The following JMJD1C variants were observed in gnomAD, a reference collection of about 807,000 sequenced individuals.
JMJD1C encodes jumonji domain-containing protein 1C.
In JMJD1C, 31 loss-of-function variants were observed where a neutral mutation model predicts 245.3. The ratio of observed to expected loss-of-function variants is 0.13; its 90% CI spans 0.09 to 0.17. JMJD1C has a LOEUF of 0.17. JMJD1C is among the 10% of genes least tolerant of loss of function. The pLI, the probability that JMJD1C is intolerant of heterozygous loss-of-function variation, is 1.00. For synonymous variants in JMJD1C, 1,057 were observed against 1,017.4 expected (o/e 1.04, Z -0.74); for missense variants, 2,691 against 3,000.2 (o/e 0.90, Z 2.41).
chr10:63,329,790 G>T (rs1196461299), intron 2 of JMJD1C, among the ~76,000 whole-genome samples: 1 of 152,202 alleles, frequency 6.6e-6, no homozygotes, highest in Admixed American at 6.5e-5. Flanking sequence ...GTAAGCCACA[G>T]CTCCCCGTCA....
At chr10:63,185,514 T>A in intron 20 of JMJD1C, 49 bp downstream of exon 20, 1 of 1,031,274 alleles carries the variant, frequency 9.7e-7, no homozygotes, top group Non-Finnish European at 1.5e-6. Context: ...CTGGGGACAG[T>A]CTTAGCTCGA....
At chr10:63,454,383 G>T (rs935568417) in intron 1 of JMJD1C, among the ~76,000 whole-genome samples, 1 of 151,590 alleles carries the variant, frequency 6.6e-6, no homozygotes, top group African/African-American at 2.4e-5. Flanking sequence ...TCAGCCTCCA[G>T]AGTAGCCGGG....
At chr10:63,396,326 C>A (rs1426380063) in intron 1 of JMJD1C, among the ~76,000 whole-genome samples, 2 of 152,122 alleles carry the variant, frequency 1.3e-5, no homozygotes, top group Non-Finnish European at 2.9e-5. Context: ...TGAACTTATA[C>A]CCCATTATCA....
chr10:63,234,315 G>A (rs561125275), intron 3 of JMJD1C, among the ~76,000 whole-genome samples: 16 of 151,558 alleles, frequency 1.1e-4, no homozygotes, highest in African/African-American at 2.7e-4. Context: ...GCAACATGGC[G>A]AGACCCTGTT....
chr10:63,229,703 T>C (rs1257197352), intron 3 of JMJD1C, among the ~76,000 whole-genome samples: 1 of 152,228 alleles, frequency 6.6e-6, no homozygotes, highest in Non-Finnish European at 1.5e-5. Context: ...TTAGATTTAT[T>C]TTTTTATTGG....
chr10:63,281,505 C>CTGT (rs1234486532), intron 2 of JMJD1C, among the ~76,000 whole-genome samples: 1 of 106,848 alleles, frequency 9.4e-6, no homozygotes, highest in Non-Finnish European at 1.7e-5. Flanking sequence ...GAGTCTCACT[C>CTGT]TGTGGCCCAG....
intron 2 of JMJD1C, among the ~76,000 whole-genome samples, chr10:63,288,606 T>C (rs1178104901): frequency 3.3e-5 from 5 of 152,118 alleles, no homozygotes; most frequent in East Asian, 1.9e-4. Flanking sequence ...GTTTTAAGAA[T>C]TGGTATATTT....
intron 2 of JMJD1C, among the ~76,000 whole-genome samples, chr10:63,288,450 A>G (rs191387806): frequency 2.6e-5 from 4 of 152,290 alleles, no homozygotes; most frequent in African/African-American, 7.2e-5. Context: ...AAGCTCCTAT[A>G]AAAAAATCCA....
intron 1 of JMJD1C, among the ~76,000 whole-genome samples, chr10:63,398,366 G>A (rs1948636897): frequency 1.3e-5 from 2 of 151,906 alleles, no homozygotes; most frequent in African/African-American, 4.8e-5. Flanking sequence ...TCAATTACCT[G>A]TATTTTACTA....
At chr10:63,170,173 C>G (rs1300782976) in intron 24 of JMJD1C, among the ~76,000 whole-genome samples, 2 of 152,126 alleles carry the variant, frequency 1.3e-5, no homozygotes, top group Non-Finnish European at 2.9e-5. Flanking sequence ...CTTTGTTCAT[C>G]CATCGTTTTC....
At chr10:63,244,919 T>C (rs1589266403) in intron 3 of JMJD1C, among the ~76,000 whole-genome samples, 1 of 151,912 alleles carries the variant, frequency 6.6e-6, no homozygotes. Context: ...GCCGGATCAC[T>C]TGTGGTCAGG....
At chr10:63,416,858 AC>A (rs1235443753) in intron 1 of JMJD1C, among the ~76,000 whole-genome samples, 1 of 152,214 alleles carries the variant, frequency 6.6e-6, no homozygotes, top group Non-Finnish European at 1.5e-5. Flanking sequence ...TTTGGTAAAA[AC>A]TAAACAATTG....
intron 1 of JMJD1C, among the ~76,000 whole-genome samples, chr10:63,474,063 AAG>A (rs1953579980): frequency 6.6e-6 from 1 of 151,884 alleles, no homozygotes. Context: ...AAAAGAAAAA[AAG>A]AAATAAATAC....
intron 1 of JMJD1C, among the ~76,000 whole-genome samples, chr10:63,460,228 T>C (rs1258813256): frequency 2.0e-5 from 3 of 152,018 alleles, no homozygotes; most frequent in African/African-American, 7.2e-5. Context: ...TAAGAGTAAA[T>C]AGTAAGGTCA....
intron 1 of JMJD1C, among the ~76,000 whole-genome samples, chr10:63,447,865 G>A (rs1951806282): frequency 3.3e-5 from 5 of 151,906 alleles, no homozygotes; most frequent in Admixed American, 2.6e-4. Context: ...CTTGAACCCA[G>A]GAGGCAAAGG....
intron 1 of JMJD1C, among the ~76,000 whole-genome samples, chr10:63,442,329 C>G (rs1234657858): frequency 1.3e-5 from 2 of 152,092 alleles, no homozygotes; most frequent in Non-Finnish European, 2.9e-5. Flanking sequence ...ACTTACAATG[C>G]AGTTTAAAGT....
At chr10:63,386,089 CACAG>C (rs572531298) in intron 1 of JMJD1C, among the ~76,000 whole-genome samples, 1 of 151,242 alleles carries the variant, frequency 6.6e-6, no homozygotes, top group East Asian at 2.1e-4. Flanking sequence ...TACACACATA[CACAG>C]ACACACACAC....
chr10:63,459,698 A>G (rs987069062), intron 1 of JMJD1C, among the ~76,000 whole-genome samples: 15 of 152,238 alleles, frequency 9.9e-5, no homozygotes, highest in Non-Finnish European at 2.9e-5. Context: ...AACAAATTTA[A>G]AAGTTTCAAG....
chr10:63,214,317 C>T lies in JMJD1C; in HGVS notation c.1850G>A (p.Ser617Asn), dbSNP rs1401756137. ...SVMEDKLHKR[S>N]PPPETIKSKL... ...AGATTTTATAGTCTCTGGAGGTGGACTTCGCTTATGCAGCTTATCTTCCAT... is the reference window on the plus strand; with the variant it reads ...AGATTTTATAGTCTCTGGAGGTGGATTTCGCTTATGCAGCTTATCTTCCAT... Residue 617 changes from serine (S) to asparagine (N), a missense_variant, in exon 8 of 26, where the codon AGT becomes AAT. By Grantham distance (46) the Ser-to-Asn change is conservative (BLOSUM62 1). This residue lies in a region of JMJD1C where 1,562 missense variants were observed against 1,490.7 expected (regional missense o/e 1.05). Coordinates refer to ENST00000399262, the MANE Select transcript of JMJD1C (RefSeq NM_032776.3). 1 of 1,614,024 alleles carries T rather than the reference C, an allele frequency of 6.2e-7. No homozygotes were observed. The highest frequency in any genetic ancestry group is 2.2e-5 in the East Asian group (1 of 44,866).
Sources: gnomAD v4.1 joint callset for allele counts (sites outside exome capture counted in the v4.1 genomes callset) on GRCh38, gnomAD v4.1.1 for gene constraint, gnomAD v4.1.1 regional missense constraint, MANE v1.5 for transcripts, NCBI Gene and HGNC (gene_info 2026-07-23, HGNC 2026-07-21) for gene names.